Variants in PACS1 observed in about 807,000 individuals in gnomAD.
PACS1 encodes the protein phosphofurin acidic cluster sorting protein 1, also known as PACS-1.
Under a neutral mutation model 115.0 loss-of-function variants are expected in PACS1, and 24 were observed. That is an observed-to-expected ratio of 0.21 (90% CI 0.15 to 0.29). The LOEUF is 0.29. PACS1 is among the 10% of genes least tolerant of loss of function. The pLI, the probability that PACS1 is intolerant of heterozygous loss-of-function variation, is 1.00. For synonymous variants in PACS1, 453 were observed against 504.5 expected (o/e 0.90, Z 1.37); for missense variants, 838 against 1,251.2 (o/e 0.67, Z 4.98).
chr11:66,152,555 C>T (rs1429288800), intron 1 of PACS1, among the ~76,000 whole-genome samples: 3 of 152,172 alleles, frequency 2.0e-5, no homozygotes, highest in Non-Finnish European at 4.4e-5. Flanking sequence ...GAAAAGCACT[C>T]ATAGGCATAT....
At chr11:66,143,020 C>A (rs1859033418) in intron 1 of PACS1, among the ~76,000 whole-genome samples, 1 of 151,884 alleles carries the variant, frequency 6.6e-6, no homozygotes, top group African/African-American at 2.4e-5. Context: ...TCAGATTAAT[C>A]TATCTAGGAG....
chr11:66,231,056 C>G, intron 13 of PACS1, 116 bp downstream of exon 13: 1 of 1,294,296 alleles, frequency 7.7e-7, no homozygotes, highest in Non-Finnish European at 1.1e-6. Context: ...CTTGGAAATG[C>G]TCTGAACAAA....
In PACS1 at chr11:66,196,988, T is replaced by C. The variant is rs190227927; in HGVS notation, c.444+3415T>C. 3.9e-5 allele frequency among the ~76,000 whole-genome samples: 6 copies of C among 152,234 alleles called. No individual in the cohort carries two copies. The South Asian group carries it at 1.2e-3, about 31-fold the overall frequency. The stretch of plus-strand genomic sequence containing the variant: ...CAGCTTCCCAGTTCTTAAAGACTTT[T>C]CTGAAGAAGTCAGAAGTGATATTAA... On this transcript the variant is annotated intron_variant, in intron 2 of 23. Transcript: ENST00000320580.
intron 1 of PACS1, among the ~76,000 whole-genome samples, chr11:66,108,222 C>T (rs1858097214): frequency 6.6e-6 from 1 of 152,170 alleles, no homozygotes; most frequent in African/African-American, 2.4e-5. Context: ...GGCCTTTCTT[C>T]TTGGCTGCAG....
intron 1 of PACS1, among the ~76,000 whole-genome samples, chr11:66,155,239 G>A (rs542928879): frequency 6.6e-6 from 1 of 152,144 alleles, no homozygotes; most frequent in Non-Finnish European, 1.5e-5. Context: ...TTCTAAGTAG[G>A]ATACAAAAAG....
chr11:66,210,559 TG>T, intron 3 of PACS1, 108 bp downstream of exon 3: 1 of 836,302 alleles, frequency 1.2e-6, no homozygotes, highest in Non-Finnish European at 2.0e-6. Context: ...TTCCCCAACT[TG>T]GGCAGGAATG....
intron 4 of PACS1, among the ~76,000 whole-genome samples, chr11:66,214,100 C>T (rs1855142852): frequency 6.6e-6 from 1 of 151,702 alleles, no homozygotes; most frequent in Non-Finnish European, 1.5e-5. Flanking sequence ...GGTGCAGCTC[C>T]CTGTGTGCCA....
chr11:66,088,239 A>G (rs1857605551), intron 1 of PACS1, among the ~76,000 whole-genome samples: 1 of 152,046 alleles, frequency 6.6e-6, no homozygotes, highest in Admixed American at 6.6e-5. Flanking sequence ...GGTGTCTTTC[A>G]ATGAACAGAA....
chr11:66,107,165 C>G (rs1393515127), intron 1 of PACS1, among the ~76,000 whole-genome samples: 1 of 152,212 alleles, frequency 6.6e-6, no homozygotes, highest in East Asian at 1.9e-4. Flanking sequence ...CCCAGTCTGA[C>G]CACCTACTAC....
chr11:66,180,655 A>AT (rs1047877785), intron 1 of PACS1, among the ~76,000 whole-genome samples: 14 of 150,828 alleles, frequency 9.3e-5, no homozygotes, highest in African/African-American at 1.2e-4. Context: ...ACCCAGCCTT[A>AT]TTTTTTTACT....
chr11:66,132,962 C>T (rs1858736927), intron 1 of PACS1, among the ~76,000 whole-genome samples: 1 of 152,228 alleles, frequency 6.6e-6, no homozygotes, highest in South Asian at 2.1e-4. Flanking sequence ...GCCATGGCAC[C>T]TGGCTTTTTT....
chr11:66,225,200 C>G (rs1165060568), intron 10 of PACS1, among the ~76,000 whole-genome samples: 1 of 152,208 alleles, frequency 6.6e-6, no homozygotes, highest in African/African-American at 2.4e-5. Flanking sequence ...CTCTTGCCCC[C>G]TTCTCTCTGA....
intron 1 of PACS1, among the ~76,000 whole-genome samples, chr11:66,180,636 C>T (rs540954799): frequency 4.4e-4 from 66 of 151,628 alleles, no homozygotes; most frequent in African/African-American, 1.2e-3. Flanking sequence ...TACAGGCGTG[C>T]GCCACCGCAC....
At chr11:66,077,703 G>GTT (rs34935652) in intron 1 of PACS1, among the ~76,000 whole-genome samples, 2,726 of 131,222 alleles carry the variant, frequency 0.021, 87 homozygotes, top group African/African-American at 0.026. Flanking sequence ...TTGTAAGTTT[G>GTT]TTTTTTTTTT....
In PACS1 at chr11:66,071,741, T is replaced by C. The variant is rs374739610; in HGVS notation, c.356+899T>C. ...TCTTTTTTGTCACCTTGTAGCTGAGTTGATTCTGTTGCCTTGAAGTCTTGG... is the reference window on the plus strand; with the variant it reads ...TCTTTTTTGTCACCTTGTAGCTGAGCTGATTCTGTTGCCTTGAAGTCTTGG... On this transcript the variant is annotated intron_variant, in intron 1 of 23. Transcript: ENST00000320580. 1.4e-3 allele frequency among the ~76,000 whole-genome samples: 206 copies of C among 152,328 alleles called. 2 individuals carry two copies. In the Middle Eastern group the frequency reaches 0.017, roughly 13 times the overall value.
chr11:66,102,391 C>A (rs1857938202), intron 1 of PACS1, among the ~76,000 whole-genome samples: 2 of 151,922 alleles, frequency 1.3e-5, no homozygotes, highest in African/African-American at 4.8e-5. Flanking sequence ...GTGGTGCGAT[C>A]TCGGCTCACT....
At chr11:66,078,627 C>G (rs1234901835) in intron 1 of PACS1, among the ~76,000 whole-genome samples, 1 of 152,232 alleles carries the variant, frequency 6.6e-6, no homozygotes, top group African/African-American at 2.4e-5. Context: ...ACAGCTCACT[C>G]TGTTCAGCCT....
chr11:66,105,388 A>C (rs1858014130), intron 1 of PACS1, among the ~76,000 whole-genome samples: 2 of 152,184 alleles, frequency 1.3e-5, no homozygotes, highest in Admixed American at 1.3e-4. Context: ...GCGCCATTGC[A>C]CTCCATCCTG....
At chr11:66,238,925 T>G in intron 20 of PACS1, 79 bp downstream of exon 20, 1 of 1,454,488 alleles carries the variant, frequency 6.9e-7, no homozygotes, top group Non-Finnish European at 9.4e-7. Flanking sequence ...AGGCCAGAAG[T>G]TAAGCTCTGG....
Sources: gnomAD v4.1 joint callset for allele counts (sites outside exome capture counted in the v4.1 genomes callset) on GRCh38, gnomAD v4.1.1 for gene constraint, MANE v1.5 for transcripts, NCBI Gene and HGNC (gene_info 2026-07-23, HGNC 2026-07-21) for gene names.